Variants in DOCK1 observed in about 807,000 individuals in gnomAD.
DOCK1 encodes the protein dedicator of cytokinesis protein 1.
DOCK1 carries 138 observed loss-of-function variants against 262.7 expected under a neutral mutation model. That is an observed-to-expected ratio of 0.53 (90% CI 0.46 to 0.61). DOCK1 has a LOEUF of 0.61. DOCK1 is among the 20% of genes least tolerant of loss of function. DOCK1 has a pLI of 0.00. For synonymous variants in DOCK1, 866 were observed against 867.4 expected, an observed-to-expected ratio of 1.00 and a Z score of 0.03; for missense variants, 1,908 against 2,370.7, an observed-to-expected ratio of 0.80 and a Z score of 4.05.
At chr10:126,946,730 C>T (rs1375750459) in intron 1 of DOCK1, among the ~76,000 whole-genome samples, 1 of 152,196 alleles carries the variant, frequency 6.6e-6, no homozygotes, top group Non-Finnish European at 1.5e-5. Context: ...TCATCCATGT[C>T]ACAGCACACG....
intron 1 of DOCK1, 52 bp downstream of exon 1, chr10:126,905,615 G>A (rs2030588302): frequency 6.8e-6 from 2 of 292,454 alleles, no homozygotes; most frequent in Non-Finnish European, 6.3e-6. Flanking sequence ...AGGCTCCGGC[G>A]GGGCGGGTGT....
rs151089431 is a variant in DOCK1, at chr10:127,449,983, G to A, written c.5566-1349G>A. Among the ~76,000 whole-genome samples, 4 of 152,310 alleles carry A rather than the reference G, an allele frequency of 2.6e-5. No homozygotes were observed. In the East Asian group the frequency reaches 7.7e-4, roughly 29 times the overall value. On this transcript the variant is annotated intron_variant, in intron 51 of 51. Transcript: ENST00000623213. ...GCTGTGTTGGTATCAGGCTGTGTTAGTGTGGTCCTTACCTGCTCCTCATTG... is the reference window on the plus strand; with the variant it reads ...GCTGTGTTGGTATCAGGCTGTGTTAATGTGGTCCTTACCTGCTCCTCATTG...
At chr10:127,000,748 G>C (rs962527202) in intron 10 of DOCK1, 5 of 156,672 alleles carry the variant, frequency 3.2e-5, no homozygotes, top group Admixed American at 6.7e-5. Context: ...TGTTGGTGCT[G>C]TTTCTCCGCC....
chr10:127,259,212 C>T (rs2059929987), intron 29 of DOCK1, among the ~76,000 whole-genome samples: 1 of 152,162 alleles, frequency 6.6e-6, no homozygotes, highest in Admixed American at 6.5e-5. Flanking sequence ...GACCTCTGCT[C>T]CTCCTCACTC....
At chr10:127,030,046 A>G (rs749000468) in intron 16 of DOCK1, among the ~76,000 whole-genome samples, 11 of 152,106 alleles carry the variant, frequency 7.2e-5, no homozygotes, top group Non-Finnish European at 7.4e-5. Context: ...TTGATTATTC[A>G]TGGAACCATT....
rs185008036 is a variant in DOCK1 at position 127,062,384 on chromosome 10, T to C, written c.2445+608T>C. Among the ~76,000 whole-genome samples the C allele has an allele frequency of 2.7e-3, 411 of 152,366 alleles. 1 individual carries two copies. The highest frequency in any genetic ancestry group is 8.6e-3 in the African/African-American group (358 of 41,582). The stretch of plus-strand genomic sequence containing the variant: ...TCACCTTGAACATTTTTCATTTCTT[T>C]TTGCTGTGAACATTCAGAATCCTTT... On this transcript the variant is annotated intron_variant, in intron 23 of 51. Transcript: ENST00000623213.
At chr10:126,961,806 T>G (rs894464459) in intron 1 of DOCK1, among the ~76,000 whole-genome samples, 1 of 152,164 alleles carries the variant, frequency 6.6e-6, no homozygotes, top group Admixed American at 6.5e-5. Flanking sequence ...GCTGTGAACA[T>G]GGATGTGCAA....
intron 27 of DOCK1, among the ~76,000 whole-genome samples, chr10:127,147,841 G>C (rs2052044063): frequency 6.6e-6 from 1 of 151,736 alleles, no homozygotes; most frequent in Non-Finnish European, 1.5e-5. Flanking sequence ...GAACAGCCTG[G>C]CCAATATGGT....
chr10:127,042,586 T>C, intron 19 of DOCK1, 39 bp from the exon 20 acceptor site: 1 of 1,577,396 alleles, frequency 6.3e-7, no homozygotes, highest in Non-Finnish European at 8.7e-7. Context: ...GGAAGTCCGG[T>C]GGGTTCACAT....
intron 23 of DOCK1, among the ~76,000 whole-genome samples, chr10:127,076,379 T>C (rs891532205): frequency 6.6e-6 from 1 of 152,170 alleles, no homozygotes; most frequent in Admixed American, 6.5e-5. Flanking sequence ...CTGGCGCCTG[T>C]AGTCCCTGCT....
At chr10:127,041,447 C>T (rs1228436522) in intron 19 of DOCK1, among the ~76,000 whole-genome samples, 5 of 152,122 alleles carry the variant, frequency 3.3e-5, no homozygotes, top group Admixed American at 6.5e-5. Context: ...ATGGATAGAC[C>T]GCAGATTGTC....
chr10:127,017,035 C>CCACACACACA (rs147295824), intron 12 of DOCK1, among the ~76,000 whole-genome samples: 5,037 of 108,462 alleles, frequency 0.046, 394 homozygotes, highest in Non-Finnish European at 0.07. Context: ...GATACAGATA[C>CCACACACACA]CACACACACA....
At chr10:127,211,556 A>G (rs371088510) in intron 27 of DOCK1, among the ~76,000 whole-genome samples, 16 of 152,106 alleles carry the variant, frequency 1.1e-4, no homozygotes, top group South Asian at 2.1e-4. Context: ...GCTTTTTATT[A>G]TTGTCATGTT....
In DOCK1 at chr10:127,410,316, G is replaced by A. The variant is rs550046799; in HGVS notation, c.4344-524G>A. 2.6e-5 allele frequency among the ~76,000 whole-genome samples: 4 copies of A among 152,232 alleles called. No homozygotes were observed. The South Asian group carries it at 8.3e-4, about 32-fold the overall frequency. The stretch of plus-strand genomic sequence containing the variant: ...AGATGCAGTAGTTTCTTTTGCTGTG[G>A]AAGCCTGCCTGCATTTCAGTGCAGG... On this transcript the variant is annotated intron_variant, in intron 42 of 51. Transcript: ENST00000623213.
In DOCK1 at chr10:127,268,450, A is replaced by AGATC. The variant is rs535408548; in HGVS notation, c.3044+11023_3044+11026dup. Reference sequence around the variant, plus strand: ...AGGAGGCGGAGGTTGCAGTGAGCCGAGATCGTGCCACTGCACTCCATCCAG... The same window carrying AGATC: ...AGGAGGCGGAGGTTGCAGTGAGCCGAGATCGATCGTGCCACTGCACTCCATCCAG... On this transcript the variant is annotated intron_variant, in intron 29 of 51. Transcript: ENST00000623213. Among the ~76,000 whole-genome samples, 66 of 136,282 alleles carry AGATC rather than the reference A, an allele frequency of 4.8e-4. 1 individual carries two copies. Among genetic ancestry groups the AGATC allele is most frequent in the African/African-American group, 1.7e-3 (61 of 36,150 alleles). 89.4% of individuals were successfully genotyped at this position (136,282 alleles called of 152,430 possible). A position where few individuals can be genotyped will look rare whatever the true frequency, so the allele number is the denominator to read the frequency against.
intron 29 of DOCK1, among the ~76,000 whole-genome samples, chr10:127,279,275 C>T (rs2060857484): frequency 2.6e-5 from 4 of 152,180 alleles, no homozygotes; most frequent in Non-Finnish European, 5.9e-5. Context: ...GTCTTTAGGG[C>T]AGGCCATACT....
rs979356351 is a variant in DOCK1 at position 126,951,740 on chromosome 10, G to A, written c.47-18962G>A. 7.0e-4 allele frequency among the ~76,000 whole-genome samples: 107 copies of A among 152,036 alleles called. No homozygotes were observed. The East Asian group carries it at 0.019, about 27-fold the overall frequency. Reference sequence around the variant, plus strand: ...TAGAGCCTGGAGGCAGAAGACCTAAGGACTTCCTAGAACTAAATCAAATGG... The same window carrying A: ...TAGAGCCTGGAGGCAGAAGACCTAAAGACTTCCTAGAACTAAATCAAATGG... On this transcript the variant is annotated intron_variant, in intron 1 of 51. Coordinates refer to ENST00000623213, the MANE Select transcript of DOCK1 (RefSeq NM_001290223.2).
At chr10:126,908,656 C>T (rs976252667) in intron 1 of DOCK1, among the ~76,000 whole-genome samples, 7 of 152,278 alleles carry the variant, frequency 4.6e-5, no homozygotes, top group African/African-American at 1.7e-4. Flanking sequence ...CTGGTTCCTC[C>T]CAATTCATTC....
intron 25 of DOCK1, among the ~76,000 whole-genome samples, chr10:127,112,283 A>G (rs2048915327): frequency 6.6e-6 from 1 of 152,146 alleles, no homozygotes; most frequent in East Asian, 1.9e-4. Flanking sequence ...GAGTGCTGGG[A>G]TTACAGGCGT....
Sources: allele counts gnomAD v4.1 joint callset (sites outside exome capture counted in the v4.1 genomes callset), GRCh38; gene constraint gnomAD v4.1.1; transcripts MANE v1.5; gene names NCBI Gene and HGNC (gene_info 2026-07-23, HGNC 2026-07-21).